The following ADGRB3 variants were observed in gnomAD, a reference collection of about 807,000 sequenced individuals.
ADGRB3 encodes adhesion G protein-coupled receptor B3.
Under a neutral mutation model 193.4 loss-of-function variants are expected in ADGRB3, and 37 were observed. That is an observed-to-expected ratio of 0.19 (90% confidence interval 0.15 to 0.25). The LOEUF (loss-of-function observed/expected upper bound fraction) is 0.25, where lower values mean the gene tolerates loss of function less well. Ranked by LOEUF, ADGRB3 falls within the 10% of genes least tolerant of loss-of-function variation. ADGRB3 has a pLI of 1.00. For synonymous variants in ADGRB3, 690 were observed against 644.2 expected, an observed-to-expected ratio of 1.07 and a Z score of -1.08; for missense variants, 1,637 against 1,852.9, an observed-to-expected ratio of 0.88 and a Z score of 2.14.
chr6:69,229,157 T>C (rs1421615030), intron 17 of ADGRB3, among the ~76,000 whole-genome samples: 1 of 152,162 alleles, frequency 6.6e-6, no homozygotes, highest in East Asian at 1.9e-4. Flanking sequence ...GAAAAAACAA[T>C]GTTCTCAATA....
At position 69,123,069 on chromosome 6, in the gene ADGRB3, C is replaced by T. The variant is rs185434291; in HGVS notation, c.2480+47031C>T. Among the ~76,000 whole-genome samples, 167 of 150,034 alleles carry T rather than the reference C, an allele frequency of 1.1e-3. 1 individual carries two copies. The highest frequency in any genetic ancestry group is 3.8e-3 in the African/African-American group (154 of 40,928). ...TGGTTCGGCCATATTTATTTTCAGA[C>T]GTAAGTATCACCTAATAGTTAGCCA... On this transcript the variant is annotated intron_variant, in intron 17 of 31. Transcript: ENST00000370598.
At chr6:69,375,930 G>C (rs151263620) in intron 30 of ADGRB3, among the ~76,000 whole-genome samples, 2 of 151,772 alleles carry the variant, frequency 1.3e-5, no homozygotes, top group East Asian at 3.9e-4. Context: ...ACAACAAAGT[G>C]AGACTCCATC....
At chr6:69,368,347 G>T (rs944302770) in intron 29 of ADGRB3, among the ~76,000 whole-genome samples, 1 of 152,092 alleles carries the variant, frequency 6.6e-6, no homozygotes, top group African/African-American at 2.4e-5. Flanking sequence ...TGACTGTGCA[G>T]GTGAAAGTGG....
chr6:68,650,338 G>GT (rs567612272), intron 3 of ADGRB3, among the ~76,000 whole-genome samples: 220 of 151,104 alleles, frequency 1.5e-3, no homozygotes, highest in African/African-American at 4.5e-3. Context: ...TTATCTGTTG[G>GT]TTTTTTTTTA....
intron 3 of ADGRB3, among the ~76,000 whole-genome samples, chr6:68,711,596 GT>G (rs1765409921): frequency 6.6e-6 from 1 of 151,896 alleles, no homozygotes; most frequent in Admixed American, 6.6e-5. Flanking sequence ...TTCTTTGTTG[GT>G]TTTTGGCTGA....
At chr6:68,693,358 C>A (rs1192216947) in intron 3 of ADGRB3, among the ~76,000 whole-genome samples, 1 of 151,894 alleles carries the variant, frequency 6.6e-6, no homozygotes, top group African/African-American at 2.4e-5. Context: ...CTAGTGTACA[C>A]TCCTTAAAAA....
chr6:69,231,715 CCT>C (rs1766144092), intron 17 of ADGRB3, among the ~76,000 whole-genome samples: 1 of 152,018 alleles, frequency 6.6e-6, no homozygotes, highest in African/African-American at 2.4e-5. Flanking sequence ...AGAAAAGAGA[CCT>C]AACACATTCA....
intron 20 of ADGRB3, among the ~76,000 whole-genome samples, chr6:69,292,432 A>G (rs1767707531): frequency 6.6e-6 from 1 of 152,148 alleles, no homozygotes; most frequent in South Asian, 2.1e-4. Flanking sequence ...CTCCTTTCTC[A>G]GAGTTCCTGA....
intron 3 of ADGRB3, among the ~76,000 whole-genome samples, chr6:68,852,655 T>C (rs1158450568): frequency 6.6e-6 from 1 of 152,028 alleles, no homozygotes; most frequent in Non-Finnish European, 1.5e-5. Context: ...ATCTTTTTAA[T>C]AGGATCCTTC....
At chr6:69,293,038 G>A (rs992482938) in intron 20 of ADGRB3, among the ~76,000 whole-genome samples, 1 of 152,106 alleles carries the variant, frequency 6.6e-6, no homozygotes, top group Non-Finnish European at 1.5e-5. Flanking sequence ...TCCCCACCAT[G>A]GGTCTATCTC....
At chr6:69,296,432 C>T (rs544781005) in intron 20 of ADGRB3, among the ~76,000 whole-genome samples, 4 of 152,142 alleles carry the variant, frequency 2.6e-5, no homozygotes, top group Non-Finnish European at 2.9e-5. Flanking sequence ...ATGCATATTT[C>T]GGGACATGGC....
At chr6:69,387,627 T>G (rs1054591169) in intron 31 of ADGRB3, among the ~76,000 whole-genome samples, 3 of 152,076 alleles carry the variant, frequency 2.0e-5, no homozygotes, top group Non-Finnish European at 2.9e-5. Context: ...CTCACACTCC[T>G]GGGCTTAAGC....
chr6:68,638,526 A>C (rs1768006304), intron 2 of ADGRB3, 135 bp from the exon 3 acceptor site: 1 of 884,640 alleles, frequency 1.1e-6, no homozygotes, highest in Admixed American at 3.1e-5. Context: ...ATAAAATAAA[A>C]ATTACCTGCC....
chr6:68,808,032 T>C (rs1017151004), intron 3 of ADGRB3, among the ~76,000 whole-genome samples: 1 of 152,206 alleles, frequency 6.6e-6, no homozygotes, highest in African/African-American at 2.4e-5. Flanking sequence ...GACTAAAATA[T>C]TTGTAAAATT....
intron 17 of ADGRB3, among the ~76,000 whole-genome samples, chr6:69,123,647 A>G (rs1187582113): frequency 6.6e-6 from 1 of 152,194 alleles, no homozygotes; most frequent in East Asian, 1.9e-4. Flanking sequence ...TTTTATATAC[A>G]GCACCTAGGG....
intron 17 of ADGRB3, among the ~76,000 whole-genome samples, chr6:69,097,202 T>C (rs1772905528): frequency 6.6e-6 from 1 of 152,248 alleles, no homozygotes; most frequent in African/African-American, 2.4e-5. Context: ...AGCATATCTA[T>C]GACTCAGGTC....
In ADGRB3 at chr6:69,046,387, C is replaced by T. The variant is rs191278190; in HGVS notation, c.2108-1798C>T. Among the ~76,000 whole-genome samples, 361 of 152,260 alleles carry T rather than the reference C, an allele frequency of 2.4e-3. 4 individuals carry two copies. The highest frequency in any genetic ancestry group is 6.3e-3 in the African/African-American group (263 of 41,556). The stretch of plus-strand genomic sequence containing the variant: ...GCTTAGAGGACTCAAGAAAGAATGT[C>T]CTACTAACTTGCTGACCTGCTCATC... On this transcript the variant is annotated intron_variant, in intron 13 of 31. Coordinates refer to ENST00000370598, the MANE Select transcript of ADGRB3 (RefSeq NM_001704.3).
rs920145831 is a variant in ADGRB3 at position 69,368,001 on chromosome 6, G to C, written c.4240-4405G>C. Reference sequence around the variant, plus strand: ...CACACTCTGGGGACTGTGGTGGGGTGGGGGGAGGGGGGAGGGACAGCATTG... The same window carrying C: ...CACACTCTGGGGACTGTGGTGGGGTCGGGGGAGGGGGGAGGGACAGCATTG... On this transcript the variant is annotated intron_variant, in intron 29 of 31. Coordinates refer to ENST00000370598, the MANE Select transcript of ADGRB3 (RefSeq NM_001704.3). 5.7e-5 allele frequency among the ~76,000 whole-genome samples: 7 copies of C among 122,450 alleles called. No individual in the cohort carries two copies. The East Asian group carries it at 8.5e-4, about 15-fold the overall frequency. 80.3% of individuals were successfully genotyped at this position (122,450 alleles called of 152,430 possible). A position where few individuals can be genotyped will look rare whatever the true frequency, so the allele number is the denominator to read the frequency against.
intron 17 of ADGRB3, among the ~76,000 whole-genome samples, chr6:69,153,946 TTG>T (rs1774756594): frequency 6.6e-6 from 1 of 151,964 alleles, no homozygotes; most frequent in Admixed American, 6.6e-5. Flanking sequence ...TGAGCCGAGA[TTG>T]CACCACTGCA....
Sources: gnomAD v4.1 joint callset for allele counts (sites outside exome capture counted in the v4.1 genomes callset) on GRCh38, gnomAD v4.1.1 for gene constraint, MANE v1.5 for transcripts, NCBI Gene and HGNC (gene_info 2026-07-23, HGNC 2026-07-21) for gene names.